COPS8: variants seen among roughly 807,000 people sequenced by gnomAD.
The protein encoded by COPS8 is COP9 signalosome complex subunit 8.
COPS8 carries 11 observed loss-of-function variants against 31.5 expected under a neutral mutation model. That is an observed-to-expected ratio of 0.35 (90% CI 0.22 to 0.58). COPS8 has a LOEUF of 0.58. Among genes scored for constraint, COPS8 ranks in the 20% least tolerant of loss-of-function variants. The probability of loss-of-function intolerance (pLI) is 0.83; values close to 1 mark genes in which losing one functional copy is unlikely to be tolerated. For missense variants in COPS8, 215 were observed against 255.1 expected, an observed-to-expected ratio of 0.84 and a Z score of 1.07; for synonymous variants, 81 against 89.3, an observed-to-expected ratio of 0.91 and a Z score of 0.52.
chr2:237,097,138 T>C (rs1162144640), intron 7 of COPS8, among the ~76,000 whole-genome samples: 1 of 152,104 alleles, frequency 6.6e-6, no homozygotes, highest in Non-Finnish European at 1.5e-5. Flanking sequence ...TGTTCACCAG[T>C]ACTGTTATTC....
intron 1 of COPS8, chr2:237,086,734 C>T (rs1381251075): frequency 2.1e-6 from 2 of 963,426 alleles, no homozygotes; most frequent in East Asian, 1.1e-4. Flanking sequence ...TTATTCAGGA[C>T]GCTTGATGTA....
Position 237,093,871 on chromosome 2 carries a change from C to T in COPS8, c.332-219C>T. The T allele has an allele frequency of 2.6e-6, 3 of 1,175,558 alleles. No homozygotes were observed. The South Asian group carries it at 1.2e-4, about 46-fold the overall frequency. 72.8% of individuals were successfully genotyped at this position (1,175,558 alleles called of 1,614,324 possible). A position where few individuals can be genotyped will look rare whatever the true frequency, so the allele number is the denominator to read the frequency against. ...GTAATTTTCATTATCTGAGATTTTTCATCCAAGAGGAAGTGTAAGAAATGT... is the reference window on the plus strand; with the variant it reads ...GTAATTTTCATTATCTGAGATTTTTTATCCAAGAGGAAGTGTAAGAAATGT... On this transcript the variant is annotated intron_variant, in intron 4 of 7. Transcript: ENST00000354371.
At position 237,100,408 on chromosome 2, in the gene COPS8, T is replaced by G; in HGVS notation, c.*2666T>G. The G allele has an allele frequency of 6.6e-6, 1 of 152,180 alleles. No homozygotes were observed. Among genetic ancestry groups the G allele is most frequent in the South Asian group, 2.1e-4 (1 of 4,826 alleles). 9.4% of individuals were successfully genotyped at this position (152,180 alleles called of 1,614,324 possible). A position where few individuals can be genotyped will look rare whatever the true frequency, so the allele number is the denominator to read the frequency against. ...ATCAGGATGCCCACACAAACCTGAT[T>G]GGGCAGCCCATCAGCAGTTGTGAAC... On this transcript the variant is annotated 3_prime_UTR_variant, in exon 8 of 8. Coordinates refer to ENST00000354371, the MANE Select transcript of COPS8 (RefSeq NM_006710.5).
Position 237,099,605 on chromosome 2 carries a change from T to C in COPS8, c.*1863T>C, listed in dbSNP as rs1284407959. ...AATTTGACATGGAAACCTCATTATATGCTTTATTTTTCTTTGTAAACAGTA... is the reference window on the plus strand; with the variant it reads ...AATTTGACATGGAAACCTCATTATACGCTTTATTTTTCTTTGTAAACAGTA... On this transcript the variant is annotated 3_prime_UTR_variant, in exon 8 of 8. Coordinates refer to ENST00000354371, the MANE Select transcript of COPS8 (RefSeq NM_006710.5). 1 of 152,212 alleles carries C rather than the reference T, an allele frequency of 6.6e-6. No homozygotes were observed. Among genetic ancestry groups the C allele is most frequent in the Admixed American group, 6.5e-5 (1 of 15,278 alleles). The allele number at this position is 152,212 out of a possible 1,614,324, so 9.4% of individuals were successfully genotyped here.
chr2:237,092,538 T>C (rs961950144), intron 4 of COPS8, among the ~76,000 whole-genome samples: 2 of 151,950 alleles, frequency 1.3e-5, no homozygotes, highest in African/African-American at 4.9e-5. Flanking sequence ...GTGTATACTT[T>C]TACTTCTCTA....
At chr2:237,088,092 G>C (rs1352418469) in intron 2 of COPS8, among the ~76,000 whole-genome samples, 1 of 151,824 alleles carries the variant, frequency 6.6e-6, no homozygotes, top group African/African-American at 2.4e-5. Context: ...CATATGTAAG[G>C]TTTTTGTTTT....
rs1431122713 is a variant in COPS8 at position 237,098,332 on chromosome 2, A to T, written c.*590A>T. Reference sequence around the variant, plus strand: ...AGATTTTTTCCAATAGTGTGAGTATATCCATTGCTGGCAGTGGAGGGCTTG... The same window carrying T: ...AGATTTTTTCCAATAGTGTGAGTATTTCCATTGCTGGCAGTGGAGGGCTTG... On this transcript the variant is annotated 3_prime_UTR_variant, in exon 8 of 8. Transcript: ENST00000354371. 1.3e-5 allele frequency: 2 copies of T among 152,368 alleles called. No individual in the cohort carries two copies. The highest frequency in any genetic ancestry group is 1.3e-4 in the Admixed American group (2 of 15,298). 9.4% of individuals were successfully genotyped at this position (152,368 alleles called of 1,614,324 possible).
At position 237,088,472 on chromosome 2, in the gene COPS8, T is replaced by G. The variant is rs1182062580; in HGVS notation, c.150-133T>G. 6.1e-6 allele frequency: 3 copies of G among 490,982 alleles called. 1 individual carries two copies. Among genetic ancestry groups the G allele is most frequent in the African/African-American group, 5.9e-5 (3 of 50,622 alleles). 30.4% of individuals were successfully genotyped at this position (490,982 alleles called of 1,614,324 possible). A position where few individuals can be genotyped will look rare whatever the true frequency, so the allele number is the denominator to read the frequency against. On this transcript the variant is annotated intron_variant, in intron 2 of 7. Coordinates refer to ENST00000354371, the MANE Select transcript of COPS8 (RefSeq NM_006710.5). ...ATTGTTTCCCCAAAACAAATTCATA[T>G]AAAACTAAATTTTACTTTGTGTTAT...
Position 237,099,111 on chromosome 2 carries a change from G to T in COPS8, c.*1369G>T, listed in dbSNP as rs919170326. On this transcript the variant is annotated 3_prime_UTR_variant, in exon 8 of 8. Transcript: ENST00000354371. Reference sequence around the variant, plus strand: ...GAGTCAATCCAAATATTCATTAATAGGGGATTGTTTGAATAAACAGCAGTG... The same window carrying T: ...GAGTCAATCCAAATATTCATTAATATGGGATTGTTTGAATAAACAGCAGTG... 1 of 152,090 alleles carries T rather than the reference G, an allele frequency of 6.6e-6. No homozygotes were observed. Among genetic ancestry groups the T allele is most frequent in the Admixed American group, 6.5e-5 (1 of 15,270 alleles). The allele number at this position is 152,090 out of a possible 1,614,324, so 9.4% of individuals were successfully genotyped here. A position where few individuals can be genotyped will look rare whatever the true frequency, so the allele number is the denominator to read the frequency against.
Position 237,089,982 on chromosome 2 carries a change from G to A in COPS8, c.319G>A (p.Glu107Lys). Residue 107 changes from glutamate to lysine, a missense_variant, in exon 4 of 8, where the codon GAA becomes AAA. By Grantham distance (56) the Glu-to-Lys change is moderately conservative. Coordinates refer to ENST00000354371, the MANE Select transcript of COPS8 (RefSeq NM_006710.5). ...GTCTGAGACGGTCCAGCCAATTATG[G>A]AAGCACTTAGAGGTAGTGTTTCTTT... ...QWSETVQPIM[E>K]ALRDATRRRA... 6.2e-7 allele frequency: 1 copy of A among 1,613,934 alleles called. No individual in the cohort carries two copies. The highest frequency in any genetic ancestry group is 8.5e-7 in the Non-Finnish European group (1 of 1,179,900).
chr2:237,088,134 G>A (rs1696651791), intron 2 of COPS8, among the ~76,000 whole-genome samples: 2 of 152,000 alleles, frequency 1.3e-5, no homozygotes, highest in African/African-American at 4.8e-5. Flanking sequence ...TATGTTTGTT[G>A]TAGTTCAAGC....
chr2:237,097,808 GTTTGTATTTTCAATTTAT>G lies in COPS8; in HGVS notation c.*68_*85del. On this transcript the variant is annotated 3_prime_UTR_variant, in exon 8 of 8. Transcript: ENST00000354371. ...ATACTGACAAACGTAGAAATGTAAA[GTTTGTATTTTCAATTTAT>G]TGGATGGCTTAAGCACCTCAGCATT... is the stretch of plus-strand genomic sequence containing the variant. The G allele has an allele frequency of 1.6e-6, 2 of 1,240,168 alleles. No individual in the cohort carries two copies. Among genetic ancestry groups the G allele is most frequent in the Non-Finnish European group, 1.2e-6 (1 of 855,232 alleles). 76.8% of individuals were successfully genotyped at this position (1,240,168 alleles called of 1,614,324 possible). A position where few individuals can be genotyped will look rare whatever the true frequency, so the allele number is the denominator to read the frequency against.
At position 237,098,750 on chromosome 2, in the gene COPS8, A is replaced by G. The variant is rs935713427; in HGVS notation, c.*1008A>G. The stretch of plus-strand genomic sequence containing the variant: ...CACTCTCGATCTTTCTGTGGACACA[A>G]TCTATTTTGTCATTGTGTCTATATG... On this transcript the variant is annotated 3_prime_UTR_variant, in exon 8 of 8. Transcript: ENST00000354371. 1.3e-5 allele frequency: 2 copies of G among 152,194 alleles called. No individual in the cohort carries two copies. Among genetic ancestry groups the G allele is most frequent in the Admixed American group, 6.5e-5 (1 of 15,272 alleles). The allele number at this position is 152,194 out of a possible 1,614,324, so 9.4% of individuals were successfully genotyped here.
chr2:237,096,554 T>C, intron 6 of COPS8: 1 of 474,152 alleles, frequency 2.1e-6, no homozygotes, highest in Non-Finnish European at 3.7e-6. Context: ...TCGGAATGCC[T>C]ATGTTTAGAC....
chr2:237,087,668 G>A (rs1429430003), intron 2 of COPS8: 15 of 195,766 alleles, frequency 7.7e-5, no homozygotes, highest in South Asian at 6.6e-4. Context: ...CGTGGCACAC[G>A]CCTGTAATCC....
Position 237,099,960 on chromosome 2 carries a change from A to G in COPS8, c.*2218A>G, listed in dbSNP as rs907146439. 2 of 152,172 alleles carry G rather than the reference A, an allele frequency of 1.3e-5. No homozygotes were observed. Among genetic ancestry groups the G allele is most frequent in the African/African-American group, 4.8e-5 (2 of 41,442 alleles). The allele number at this position is 152,172 out of a possible 1,614,324, so 9.4% of individuals were successfully genotyped here. A position where few individuals can be genotyped will look rare whatever the true frequency, so the allele number is the denominator to read the frequency against. On this transcript the variant is annotated 3_prime_UTR_variant, in exon 8 of 8. Coordinates refer to ENST00000354371, the MANE Select transcript of COPS8 (RefSeq NM_006710.5). ...GTATATGTGTCTGTTTTTAACTCTT[A>G]ATAACCTCATCACTGTACAAGAAAG...
At chr2:237,094,440 T>C (rs1230711709) in intron 5 of COPS8, among the ~76,000 whole-genome samples, 1 of 152,066 alleles carries the variant, frequency 6.6e-6, no homozygotes, top group Non-Finnish European at 1.5e-5. Context: ...CAAAAATATG[T>C]CTTAATTGGT....
In COPS8 at chr2:237,087,158, A is replaced by G; in HGVS notation, c.110A>G (p.Tyr37Cys). ...APGGIATPPV[Y>C]GQLLALYLLH... ...GGAGGAATTGCTACACCCCCAGTGT[A>G]TGGTCAGCTTCTAGCTTTATATTTG... Residue 37 changes from tyrosine to cysteine, a missense_variant, in exon 2 of 8, where the codon TAT (tyrosine) becomes TGT (cysteine). By Grantham distance (194) the Tyr-to-Cys change is radical (BLOSUM62 -2). Coordinates refer to ENST00000354371, the MANE Select transcript of COPS8 (RefSeq NM_006710.5). 6.2e-7 allele frequency: 1 copy of G among 1,609,442 alleles called. No individual in the cohort carries two copies. The highest frequency in any genetic ancestry group is 1.7e-5 in the Admixed American group (1 of 58,936).
chr2:237,098,649 A>G lies in COPS8; in HGVS notation c.*907A>G, dbSNP rs1439059210. 6.6e-6 allele frequency: 1 copy of G among 152,172 alleles called. No individual in the cohort carries two copies. The highest frequency in any genetic ancestry group is 1.5e-5 in the Non-Finnish European group (1 of 68,026). 9.4% of individuals were successfully genotyped at this position (152,172 alleles called of 1,614,324 possible). A position where few individuals can be genotyped will look rare whatever the true frequency, so the allele number is the denominator to read the frequency against. On this transcript the variant is annotated 3_prime_UTR_variant, in exon 8 of 8. Transcript: ENST00000354371. ...TTAAGGTTATAACAGCCCTTAGTTC[A>G]TTTACTCTGCATTTGTTCAATAAAT... is the stretch of plus-strand genomic sequence containing the variant.
Sources: gnomAD v4.1 joint callset for allele counts (sites outside exome capture counted in the v4.1 genomes callset) on GRCh38, gnomAD v4.1.1 for gene constraint, MANE v1.5 for transcripts, NCBI Gene and HGNC (gene_info 2026-07-23, HGNC 2026-07-21) for gene names.